Variants in FGF17 observed in about 807,000 individuals in gnomAD.
FGF17 encodes fibroblast growth factor 17.
Under a neutral mutation model 23.5 loss-of-function variants are expected in FGF17, and 5 were observed. That is an observed-to-expected ratio of 0.21 (90% CI 0.11 to 0.45). The LOEUF (loss-of-function observed/expected upper bound fraction) is 0.45, where lower values mean the gene tolerates loss of function less well. Ranked by LOEUF, FGF17 falls within the 20% of genes least tolerant of loss-of-function variation. The pLI is 0.99. For missense variants in FGF17, 221 were observed against 306.9 expected (o/e 0.72, Z 2.09); for synonymous variants, 136 against 123.0 (o/e 1.11, Z -0.70).
At chr8:22,044,975 G>A in intron 2 of FGF17, 2 of 985,804 alleles carry the variant, frequency 2.0e-6, no homozygotes, top group Non-Finnish European at 2.4e-6. Flanking sequence ...AGCTGTCCCA[G>A]CACAGGCAGC....
At chr8:22,043,694 G>A (rs1044903952) in intron 2 of FGF17, among the ~76,000 whole-genome samples, 60 of 152,210 alleles carry the variant, frequency 3.9e-4, no homozygotes, top group African/African-American at 1.4e-3. Flanking sequence ...AGCCCAAAGA[G>A]GTTTGTTTGG....
At position 22,048,351 on chromosome 8, in the gene FGF17, G is replaced by A; in HGVS notation, c.*102G>A. ...GTGGCGGGAGGGGAGCCAGATCCCC[G>A]AGGGAGGACCCTGAGGGCCGCGAAG... On this transcript the variant is annotated 3_prime_UTR_variant, in exon 5 of 5. Transcript: ENST00000359441. This position sits in a 1 kb window ranked among gnomAD's most constrained non-coding sequence, Gnocchi z 6.9. 9.3e-7 allele frequency: 1 copy of A among 1,078,844 alleles called. No homozygotes were observed. The highest frequency in any genetic ancestry group is 1.3e-6 in the Non-Finnish European group (1 of 767,270). The allele number at this position is 1,078,844 out of a possible 1,614,324, so 66.8% of individuals were successfully genotyped here. A position where few individuals can be genotyped will look rare whatever the true frequency, so the allele number is the denominator to read the frequency against.
chr8:22,044,111 C>T (rs554917574), intron 2 of FGF17, among the ~76,000 whole-genome samples: 5 of 152,182 alleles, frequency 3.3e-5, no homozygotes, highest in African/African-American at 9.6e-5. Context: ...GAAGAAAGCC[C>T]CCAGCCTGGC....
At chr8:22,044,338 C>T (rs1276700899) in intron 2 of FGF17, among the ~76,000 whole-genome samples, 2 of 152,072 alleles carry the variant, frequency 1.3e-5, no homozygotes, top group Non-Finnish European at 2.9e-5. Flanking sequence ...TGACAAGCAG[C>T]TGTCTGCAGT....
At chr8:22,046,061 G>T (rs757375665) in intron 2 of FGF17, 53 bp from the exon 3 acceptor site, 2 of 1,613,766 alleles carry the variant, frequency 1.2e-6, no homozygotes, top group Non-Finnish European at 1.7e-6. Flanking sequence ...ATGGACCAGT[G>T]GTGGTGTCAC....
At chr8:22,039,681 T>C (rs542561077), upstream of FGF17, among the ~76,000 whole-genome samples, 1 of 152,130 alleles carries the variant, frequency 6.6e-6, no homozygotes, top group South Asian at 2.1e-4. Context: ...TGAGCTGAGA[T>C]CGCGCCATTG....
At chr8:22,045,559 G>C in intron 2 of FGF17, 1 of 997,306 alleles carries the variant, frequency 1.0e-6, no homozygotes, top group Non-Finnish European at 1.2e-6. Context: ...CCCTGCAGGA[G>C]CTTTCAGAGT....
chr8:22,044,137 G>A (rs1435948409), intron 2 of FGF17, among the ~76,000 whole-genome samples: 1 of 152,094 alleles, frequency 6.6e-6, no homozygotes, highest in East Asian at 1.9e-4. Context: ...GGGGGCTGGG[G>A]GTGGGCCCAA....
Position 22,048,371 on chromosome 8 carries a change from G to A in FGF17, c.*122G>A. 2 of 907,294 alleles carry A rather than the reference G, an allele frequency of 2.2e-6. No individual in the cohort carries two copies. Among genetic ancestry groups the A allele is most frequent in the South Asian group, 1.8e-5 (1 of 56,746 alleles). The allele number at this position is 907,294 out of a possible 1,614,324, so 56.2% of individuals were successfully genotyped here. A position where few individuals can be genotyped will look rare whatever the true frequency, so the allele number is the denominator to read the frequency against. ...TCCCCGAGGGAGGACCCTGAGGGCC[G>A]CGAAGCATCCGAGCCCCCAGCTGGG... On this transcript the variant is annotated 3_prime_UTR_variant, in exon 5 of 5. Transcript: ENST00000359441. The surrounding 1 kb of genome is among the most constrained non-coding windows in gnomAD (Gnocchi z 6.9).
At chr8:22,041,722 T>C (rs192383255), upstream of FGF17, among the ~76,000 whole-genome samples, 23 of 152,336 alleles carry the variant, frequency 1.5e-4, 1 homozygote, top group African/African-American at 5.3e-4. Flanking sequence ...AGAAGAAGCA[T>C]GGACTTTTCC....
At chr8:22,040,958 A>G (rs1262754287), upstream of FGF17, among the ~76,000 whole-genome samples, 1 of 152,182 alleles carries the variant, frequency 6.6e-6, no homozygotes, top group Non-Finnish European at 1.5e-5. Flanking sequence ...AAGGATCCGC[A>G]GGGGGAAAGC....
chr8:22,047,075 C>G (rs3176297), intron 4 of FGF17, among the ~76,000 whole-genome samples: 2 of 151,516 alleles, frequency 1.3e-5, no homozygotes, highest in Non-Finnish European at 2.9e-5. Context: ...GCGTGAGCCA[C>G]GGAGCCCGGC....
At chr8:22,039,786 C>G (rs562350944), upstream of FGF17, among the ~76,000 whole-genome samples, 2 of 152,148 alleles carry the variant, frequency 1.3e-5, no homozygotes, top group South Asian at 4.2e-4. Flanking sequence ...TGCCCTTTGC[C>G]CTCTGCCCTT....
upstream of FGF17, among the ~76,000 whole-genome samples, chr8:22,040,430 CAAGT>C (rs1800720377): frequency 6.6e-6 from 1 of 152,204 alleles, no homozygotes; most frequent in African/African-American, 2.4e-5. Context: ...AGGAGCAAAC[CAAGT>C]TAGAAGGCCA....
chr8:22,045,313 T>C (rs1800841677), intron 2 of FGF17: 2 of 986,284 alleles, frequency 2.0e-6, no homozygotes, highest in Non-Finnish European at 2.4e-6. Context: ...GGGCAGCCAT[T>C]GGGCCACCGC....
chr8:22,046,876 G>C (rs977706718), intron 4 of FGF17, among the ~76,000 whole-genome samples: 11 of 151,786 alleles, frequency 7.2e-5, no homozygotes, highest in Non-Finnish European at 1.3e-4. Context: ...GTACTCCTGG[G>C]CTCAAGCAAT....
chr8:22,047,784 G>C (rs964606764), intron 4 of FGF17, among the ~76,000 whole-genome samples, 172 bp from the exon 5 acceptor site: 1 of 152,216 alleles, frequency 6.6e-6, no homozygotes, highest in African/African-American at 2.4e-5. Context: ...TGTTCTTGTT[G>C]GCCACTGTTG....
chr8:22,048,412 G>GC lies in FGF17; in HGVS notation c.*167dup, dbSNP rs1801012058. On this transcript the variant is annotated 3_prime_UTR_variant, in exon 5 of 5. Coordinates refer to ENST00000359441, the MANE Select transcript of FGF17 (RefSeq NM_003867.4). The surrounding 1 kb of genome is among the most constrained non-coding windows in gnomAD (Gnocchi z 6.9). ...CCCAGCTGGGAAGGGGCAGGCCGGTGCCCCAGGGGCGGCTGGCACAGTGCC... is the reference window on the plus strand; with the variant it reads ...CCCAGCTGGGAAGGGGCAGGCCGGTGCCCCCAGGGGCGGCTGGCACAGTGCC... 7 of 670,924 alleles carry GC rather than the reference G, an allele frequency of 1.0e-5. No individual in the cohort carries two copies. Among genetic ancestry groups the GC allele is most frequent in the Non-Finnish European group, 1.7e-5 (7 of 402,566 alleles). 41.6% of individuals were successfully genotyped at this position (670,924 alleles called of 1,614,324 possible). A position where few individuals can be genotyped will look rare whatever the true frequency, so the allele number is the denominator to read the frequency against.
In FGF17 at chr8:22,048,468, A is replaced by G; in HGVS notation, c.*219A>G. Reference sequence around the variant, plus strand: ...CCCGGACGGGTGGCAGGCCCTGGAGAGGAACTGAGTGTCACCCTGATCTCA... The same window carrying G: ...CCCGGACGGGTGGCAGGCCCTGGAGGGGAACTGAGTGTCACCCTGATCTCA... On this transcript the variant is annotated 3_prime_UTR_variant, in exon 5 of 5. Coordinates refer to ENST00000359441, the MANE Select transcript of FGF17 (RefSeq NM_003867.4). This position sits in a 1 kb window ranked among gnomAD's most constrained non-coding sequence, Gnocchi z 6.9. 3 of 587,064 alleles carry G rather than the reference A, an allele frequency of 5.1e-6. No homozygotes were observed. In the South Asian group the frequency reaches 6.2e-5, roughly 12 times the overall value. 36.4% of individuals were successfully genotyped at this position (587,064 alleles called of 1,614,324 possible).
Sources: allele counts gnomAD v4.1 joint callset (sites outside exome capture counted in the v4.1 genomes callset), GRCh38; gene constraint gnomAD v4.1.1; non-coding constraint Gnocchi (gnomAD v3.1); transcripts MANE v1.5; gene names NCBI Gene and HGNC (gene_info 2026-07-23, HGNC 2026-07-21).